MEIOB: variants seen among roughly 807,000 people sequenced by gnomAD.
MEIOB encodes meiosis specific with OB-fold.
MEIOB carries 50 observed loss-of-function variants against 53.1 expected under a neutral mutation model. The observed-to-expected ratio is 0.94, with a 90% CI of 0.75 to 1.19. The LOEUF is 1.19. Among genes scored for constraint, MEIOB ranks in the 50% most tolerant of loss-of-function variants. The pLI, the probability that MEIOB is intolerant of heterozygous loss-of-function variation, is 0.00. For missense variants in MEIOB, 551 were observed against 550.8 expected, an observed-to-expected ratio of 1.00 and a Z score of 0.00; for synonymous variants, 192 against 182.5, an observed-to-expected ratio of 1.05 and a Z score of -0.42.
chr16:1,840,542 TTATTA>T (rs1898875543), intron 11 of MEIOB, among the ~76,000 whole-genome samples: 1 of 23,892 alleles, frequency 4.2e-5, no homozygotes, highest in Non-Finnish European at 7.8e-5. Flanking sequence ...ATCTCTCTTA[TTATTA>T]TTTTTTTTTT....
At chr16:1,856,470 C>T (rs1899307599) in intron 6 of MEIOB, among the ~76,000 whole-genome samples, 1 of 152,104 alleles carries the variant, frequency 6.6e-6, no homozygotes, top group South Asian at 2.1e-4. Flanking sequence ...CAGGCGCCCA[C>T]CACCTCACCT....
chr16:1,844,487 C>T (rs1898984652), intron 10 of MEIOB, among the ~76,000 whole-genome samples: 2 of 151,594 alleles, frequency 1.3e-5, no homozygotes. Flanking sequence ...GTTCTGACAC[C>T]CAGGCTGGAG....
Position 1,841,958 on chromosome 16 carries a change from T to A in MEIOB, c.896A>T (p.Asp299Val), listed in dbSNP as rs753337503. 4 of 1,592,182 alleles carry A rather than the reference T, an allele frequency of 2.5e-6. No individual in the cohort carries two copies. In the South Asian group the frequency reaches 3.5e-5, roughly 14 times the overall value. ...CTTTAATTGTTCAACTGTGTAGACA[T>A]CAACTATTGTACTTACTAAAAACAG... ...KESINLSTIV[D>V]VYTVEQLKGK... The change falls in exon 11 of 14, where the codon GAT becomes GTT. Residue 299 changes from aspartate to valine, a missense_variant. Asp to Val is a radical substitution (Grantham distance 152, BLOSUM62 -3). Coordinates refer to ENST00000325962, the MANE Select transcript of MEIOB (RefSeq NM_001163560.3).
chr16:1,865,101 G>A (rs924839678), intron 3 of MEIOB, among the ~76,000 whole-genome samples: 4 of 152,150 alleles, frequency 2.6e-5, no homozygotes, highest in African/African-American at 4.8e-5. Flanking sequence ...CTGGGCAACA[G>A]AGCAAGACTC....
In MEIOB at chr16:1,853,273, T is replaced by C. The variant is rs1490911418; in HGVS notation, c.630-2A>G. On this transcript the variant is annotated splice_acceptor_variant, in intron 7 of 13. Transcript: ENST00000325962. LOFTEE classifies it high-confidence loss of function. ...AGTAGAATGGATTCATTATCCCAACTGCATTTGTTTAAAAAGAAGTAATAC... is the reference window on the plus strand; with the variant it reads ...AGTAGAATGGATTCATTATCCCAACCGCATTTGTTTAAAAAGAAGTAATAC... 1 of 1,545,640 alleles carries C rather than the reference T, an allele frequency of 6.5e-7. No individual in the cohort carries two copies. Among genetic ancestry groups the C allele is most frequent in the East Asian group, 2.4e-5 (1 of 40,888 alleles).
chr16:1,839,555 T>C (rs1898843870), intron 11 of MEIOB, 117 bp from the exon 12 acceptor site: 1 of 885,920 alleles, frequency 1.1e-6, no homozygotes. Flanking sequence ...ACTTACTGAG[T>C]GTTCAGTGCT....
At chr16:1,856,464 C>T (rs982406228) in intron 6 of MEIOB, among the ~76,000 whole-genome samples, 5 of 152,026 alleles carry the variant, frequency 3.3e-5, no homozygotes, top group East Asian at 1.9e-4. Flanking sequence ...GGACTACAGG[C>T]GCCCACCACC....
Position 1,868,102 on chromosome 16 carries a change from C to T in MEIOB, c.69+5G>A. On this transcript the variant is annotated splice_donor_5th_base_variant and intron_variant, in intron 2 of 13. Coordinates refer to ENST00000325962, the MANE Select transcript of MEIOB (RefSeq NM_001163560.3). ...TAAGCAAATCACCACATTATTGAAACCTACCAGATTAGCCATATTTGTCTG... is the reference window on the plus strand; with the variant it reads ...TAAGCAAATCACCACATTATTGAAATCTACCAGATTAGCCATATTTGTCTG... 6.8e-7 allele frequency: 1 copy of T among 1,465,934 alleles called. No individual in the cohort carries two copies. The highest frequency in any genetic ancestry group is 9.3e-7 in the Non-Finnish European group (1 of 1,073,694). 90.8% of individuals were successfully genotyped at this position (1,465,934 alleles called of 1,614,324 possible).
At chr16:1,847,557 G>C (rs968056383) in intron 9 of MEIOB, among the ~76,000 whole-genome samples, 2 of 151,660 alleles carry the variant, frequency 1.3e-5, no homozygotes, top group Non-Finnish European at 2.9e-5. Flanking sequence ...GATTTCTTGA[G>C]GTCAGGAGTT....
intron 12 of MEIOB, 81 bp from the exon 13 acceptor site, chr16:1,837,951 T>C: frequency 6.9e-7 from 1 of 1,450,722 alleles, no homozygotes. Context: ...TGAAACAAAC[T>C]TTCTCATTAG....
intron 11 of MEIOB, among the ~76,000 whole-genome samples, chr16:1,841,460 G>A (rs1479732343): frequency 1.3e-5 from 2 of 152,134 alleles, no homozygotes; most frequent in South Asian, 2.1e-4. Flanking sequence ...GACTACAGGC[G>A]CATGCTACTG....
intron 12 of MEIOB, among the ~76,000 whole-genome samples, chr16:1,838,753 G>A (rs953818378): frequency 1.3e-5 from 2 of 152,044 alleles, no homozygotes; most frequent in African/African-American, 2.4e-5. Flanking sequence ...GTGCAGTGGC[G>A]TGATCTTGGC....
At chr16:1,857,587 G>A (rs962942915) in intron 6 of MEIOB, 148 bp downstream of exon 6, 2 of 584,680 alleles carry the variant, frequency 3.4e-6, no homozygotes, top group Non-Finnish European at 5.9e-6. Context: ...TTAATGAGAA[G>A]TGTTACTGTT....
chr16:1,855,151 T>A (rs1323989030), intron 6 of MEIOB, among the ~76,000 whole-genome samples: 1 of 151,908 alleles, frequency 6.6e-6, no homozygotes, highest in Non-Finnish European at 1.5e-5. Context: ...GTGTGAAGAG[T>A]GGCCGGGAGG....
intron 6 of MEIOB, among the ~76,000 whole-genome samples, chr16:1,854,656 A>C (rs974434148): frequency 6.6e-6 from 1 of 152,192 alleles, no homozygotes; most frequent in Non-Finnish European, 1.5e-5. Flanking sequence ...TCTGTGGTAT[A>C]AAAAGTGTCC....
At chr16:1,867,655 A>G (rs1041945811) in intron 2 of MEIOB, among the ~76,000 whole-genome samples, 13 of 151,758 alleles carry the variant, frequency 8.6e-5, no homozygotes, top group African/African-American at 3.1e-4. Context: ...TATTTTTAGT[A>G]GAGATGGGGT....
chr16:1,842,800 A>T (rs1246264774), intron 10 of MEIOB, among the ~76,000 whole-genome samples: 1 of 150,262 alleles, frequency 6.7e-6, no homozygotes, highest in Non-Finnish European at 1.5e-5. Flanking sequence ...AGTAGCTGGC[A>T]CTACGGGCGC....
Position 1,844,887 on chromosome 16 carries a change from G to A in MEIOB, c.855C>T (p.Asp285=). ...KETNVLDDEI[D]SYFKESINLS... ...AATTTATGGATTCTTTGAAATAACT[G>A]TCAATTTCATCATCCAGAACATTCG... Residue 285 remains aspartate (D), a synonymous_variant, in exon 10 of 14, where the codon GAC becomes GAT. Coordinates refer to ENST00000325962, the MANE Select transcript of MEIOB (RefSeq NM_001163560.3). 1 of 1,556,666 alleles carries A rather than the reference G, an allele frequency of 6.4e-7. No homozygotes were observed. Among genetic ancestry groups the A allele is most frequent in the Non-Finnish European group, 8.8e-7 (1 of 1,135,676 alleles).
intron 12 of MEIOB, among the ~76,000 whole-genome samples, chr16:1,838,399 A>G (rs1034039330): frequency 6.6e-6 from 1 of 152,170 alleles, no homozygotes; most frequent in Non-Finnish European, 1.5e-5. Flanking sequence ...TCCCCTCAAT[A>G]AAGTGGAAGC....
Sources: allele counts gnomAD v4.1 joint callset (sites outside exome capture counted in the v4.1 genomes callset), GRCh38; gene constraint gnomAD v4.1.1; transcripts MANE v1.5; gene names NCBI Gene and HGNC (gene_info 2026-07-23, HGNC 2026-07-21).